PPP6R2: variants seen among roughly 807,000 people sequenced by gnomAD.
PPP6R2 encodes the protein protein phosphatase 6 regulatory subunit 2, also known as serine/threonine-protein phosphatase 6 regulatory subunit 2.
In PPP6R2, 62 loss-of-function variants were observed where a neutral mutation model predicts 100.2. That is an observed-to-expected ratio of 0.62 (90% confidence interval 0.50 to 0.76). The LOEUF (loss-of-function observed/expected upper bound fraction) is 0.76, where lower values mean the gene tolerates loss of function less well. PPP6R2 is among the 30% of genes least tolerant of loss of function. The pLI is 0.00. For missense variants in PPP6R2, 1,142 were observed against 1,276.3 expected, an observed-to-expected ratio of 0.89 and a Z score of 1.60; for synonymous variants, 525 against 514.7, an observed-to-expected ratio of 1.02 and a Z score of -0.27.
In PPP6R2 at chr22:50,423,026, C is replaced by T. The variant is rs1037784398; in HGVS notation, c.973-436C>T. ...CGCGGTCCATCGGAGGAGGCATTCC[C>T]GTCAGTGTCCCCAAAGTGTGTTCAT... is the stretch of plus-strand genomic sequence containing the variant. On this transcript the variant is annotated intron_variant, in intron 9 of 23. Coordinates refer to ENST00000612753, the MANE Select transcript of PPP6R2 (RefSeq NM_001242898.2). This position sits in a 1 kb window ranked among gnomAD's most constrained non-coding sequence, Gnocchi z 4.8. Among the ~76,000 whole-genome samples, 2 of 152,126 alleles carry T rather than the reference C, an allele frequency of 1.3e-5. No homozygotes were observed. The highest frequency in any genetic ancestry group is 1.5e-5 in the Non-Finnish European group (1 of 68,012).
rs983652490 is a variant in PPP6R2 at position 50,414,544 on chromosome 22, G to C, written c.415-8G>C. 1 of 1,613,876 alleles carries C rather than the reference G, an allele frequency of 6.2e-7. No homozygotes were observed. The stretch of plus-strand genomic sequence containing the variant: ...CCCCGCCTGCCTCTCAGGTGTGTGT[G>C]ATTTCAGGTGATTACGTTTTTGAAG... On this transcript the variant is annotated splice_region_variant and splice_polypyrimidine_tract_variant and intron_variant, in intron 4 of 23. Transcript: ENST00000612753.
At chr22:50,331,248 ACT>A in the PPP6R2 span, among the ~76,000 whole-genome samples, 2 of 151,634 alleles carry the variant, frequency 1.3e-5, no homozygotes, top group Non-Finnish European at 2.9e-5. Context: ...GCTTATTATG[ACT>A]CATGCTGCTG....
intron 10 of PPP6R2, among the ~76,000 whole-genome samples, chr22:50,430,410 AAGAC>A (rs1328255611): frequency 2.6e-5 from 4 of 152,270 alleles, no homozygotes; most frequent in African/African-American, 4.8e-5. Flanking sequence ...ATTCATGAGA[AAGAC>A]AGAATCATAA....
At chr22:50,388,208 A>G (rs879260709) in intron 2 of PPP6R2, among the ~76,000 whole-genome samples, 1 of 151,850 alleles carries the variant, frequency 6.6e-6, no homozygotes, top group Non-Finnish European at 1.5e-5. Context: ...CTTGGGTAAC[A>G]TGGCAAAACC....
In PPP6R2 at chr22:50,431,931, G is replaced by C. The variant is rs1267328411; in HGVS notation, c.1336-334G>C. Among the ~76,000 whole-genome samples the C allele has an allele frequency of 2.0e-5, 3 of 152,188 alleles. No homozygotes were observed. The highest frequency in any genetic ancestry group is 4.4e-5 in the Non-Finnish European group (3 of 68,028). Reference sequence around the variant, plus strand: ...CCGGACACAGAGAAAGAGGGCAGGAGAGTGGCCAAAGTGGAGGGCAATGGA... The same window carrying C: ...CCGGACACAGAGAAAGAGGGCAGGACAGTGGCCAAAGTGGAGGGCAATGGA... On this transcript the variant is annotated intron_variant, in intron 11 of 23. Coordinates refer to ENST00000612753, the MANE Select transcript of PPP6R2 (RefSeq NM_001242898.2). The surrounding 1 kb of genome is among the most constrained non-coding windows in gnomAD (Gnocchi z 4.8).
Position 50,423,619 on chromosome 22 carries a change from G to A in PPP6R2, c.1125+5G>A, listed in dbSNP as rs1379811213. On this transcript the variant is annotated splice_donor_5th_base_variant and intron_variant, in intron 10 of 23. Transcript: ENST00000612753. This position sits in a 1 kb window ranked among gnomAD's most constrained non-coding sequence, Gnocchi z 4.8. ...AACACGATGGACTTACTGCTGGTAAGTGGGCCCCTCAGCCAGCCCTGCATG... is the reference window on the plus strand; with the variant it reads ...AACACGATGGACTTACTGCTGGTAAATGGGCCCCTCAGCCAGCCCTGCATG... 25 of 1,613,918 alleles carry A rather than the reference G, an allele frequency of 1.5e-5. No individual in the cohort carries two copies. In the African/African-American group the frequency reaches 3.3e-4, roughly 22 times the overall value.
chr22:50,432,346 C>T lies in PPP6R2; in HGVS notation c.1400+17C>T, dbSNP rs570293655. 2.1e-5 allele frequency: 32 copies of T among 1,546,792 alleles called. No individual in the cohort carries two copies. The Admixed American group carries it at 2.2e-4, about 10-fold the overall frequency. On this transcript the variant is annotated intron_variant, in intron 12 of 23. Coordinates refer to ENST00000612753, the MANE Select transcript of PPP6R2 (RefSeq NM_001242898.2). ...CCACACGCAGTAAGAGCCGCTCGGA[C>T]GTGGAGGGACCCAGCCTGGCCAGTC...
chr22:50,364,804 A>T (rs1265660972), intron 1 of PPP6R2, among the ~76,000 whole-genome samples: 1 of 152,114 alleles, frequency 6.6e-6, no homozygotes, highest in Non-Finnish European at 1.5e-5. Context: ...TCAGGTGGGG[A>T]TGAGGAAAGA....
At chr22:50,396,346 T>A (rs2056856351) in intron 3 of PPP6R2, among the ~76,000 whole-genome samples, 1 of 151,468 alleles carries the variant, frequency 6.6e-6, no homozygotes, top group African/African-American at 2.4e-5. Flanking sequence ...AATACAAAAA[T>A]TTGCTGGGTG....
chr22:50,355,729 G>C (rs1456928246), intron 1 of PPP6R2, among the ~76,000 whole-genome samples: 1 of 143,608 alleles, frequency 7.0e-6, no homozygotes. Flanking sequence ...CACTGTGTTA[G>C]CCAGGATGGT....
chr22:50,392,459 C>T (rs1254047767), intron 2 of PPP6R2, among the ~76,000 whole-genome samples: 1 of 152,218 alleles, frequency 6.6e-6, no homozygotes, highest in Non-Finnish European at 1.5e-5. Flanking sequence ...AGAGCTCCAG[C>T]TCTGGGCTCT....
intron 2 of PPP6R2, among the ~76,000 whole-genome samples, chr22:50,374,848 A>C (rs114025908): frequency 0.022 from 3,044 of 138,456 alleles, 109 homozygotes; most frequent in African/African-American, 0.077. Flanking sequence ...TGGGAGATGG[A>C]TGTTGCAGTG....
At chr22:50,390,723 G>A (rs895358575) in intron 2 of PPP6R2, among the ~76,000 whole-genome samples, 9 of 151,962 alleles carry the variant, frequency 5.9e-5, no homozygotes, top group African/African-American at 7.2e-5. Context: ...ATTCAGGGCC[G>A]GGCGCGGTCG....
chr22:50,397,830 G>A (rs2057306090), intron 3 of PPP6R2, among the ~76,000 whole-genome samples: 1 of 101,930 alleles, frequency 9.8e-6, no homozygotes, highest in African/African-American at 4.2e-5. Context: ...TGGGATGGGG[G>A]CAGGGGGCCT....
rs2061658827 is a variant in PPP6R2 at position 50,423,978 on chromosome 22, G to T, written c.1125+364G>T. ...TATTAGGTATAAAATGGCTAAAAGA[G>T]AAGCTCCTGTCGTCCACAGTAGAAG... is the stretch of plus-strand genomic sequence containing the variant. On this transcript the variant is annotated intron_variant, in intron 10 of 23. Transcript: ENST00000612753. This position sits in a 1 kb window ranked among gnomAD's most constrained non-coding sequence, Gnocchi z 4.8. Among the ~76,000 whole-genome samples, 1 of 152,252 alleles carries T rather than the reference G, an allele frequency of 6.6e-6. No homozygotes were observed. The highest frequency in any genetic ancestry group is 1.5e-5 in the Non-Finnish European group (1 of 68,048).
chr22:50,439,467 CCTGA>C (rs1455726436), intron 19 of PPP6R2, among the ~76,000 whole-genome samples: 2 of 152,280 alleles, frequency 1.3e-5, no homozygotes, highest in East Asian at 3.9e-4. Flanking sequence ...CCCTCAGGCA[CCTGA>C]CTGAGCCCCA....
chr22:50,377,732 G>A (rs1339274735), intron 2 of PPP6R2, among the ~76,000 whole-genome samples: 2 of 152,192 alleles, frequency 1.3e-5, no homozygotes, highest in African/African-American at 4.8e-5. Context: ...ATTTAGGCCA[G>A]GCGCGGTGGC....
chr22:50,343,270 G>A (rs1736641332), upstream of PPP6R2: 1 of 149,378 alleles, frequency 6.7e-6, no homozygotes, highest in Non-Finnish European at 1.5e-5. Flanking sequence ...CCCCGGCCGC[G>A]AGCGTGCGCG....
Position 50,406,738 on chromosome 22 carries a change from A to C in PPP6R2, c.277A>C (p.Ser93Arg). 1 of 1,614,062 alleles carries C rather than the reference A, an allele frequency of 6.2e-7. No individual in the cohort carries two copies. The highest frequency in any genetic ancestry group is 1.3e-5 in the African/African-American group (1 of 75,030). ...ELLTCDVPQI[S>R]DRLGGDESLL... The stretch of plus-strand genomic sequence containing the variant: ...TCTGACTTGTGATGTGCCGCAGATC[A>C]GCGACCGCCTCGGTGGGGACGAGAG... Residue 93 changes from serine to arginine, a missense_variant, in exon 4 of 24, where the codon AGC becomes CGC. Around this residue, in one of 2 missense-constraint regions of PPP6R2, gnomAD observed 592 missense variants for 758.9 expected, o/e 0.78. Transcript: ENST00000612753.
Sources: allele counts gnomAD v4.1 joint callset (sites outside exome capture counted in the v4.1 genomes callset), GRCh38; gene constraint gnomAD v4.1.1; regional missense constraint gnomAD v4.1.1; non-coding constraint Gnocchi (gnomAD v3.1); transcripts MANE v1.5; gene names NCBI Gene and HGNC (gene_info 2026-07-23, HGNC 2026-07-21).